EIF2S3: variants seen among roughly 807,000 people sequenced by gnomAD.
The protein encoded by EIF2S3 is eukaryotic translation initiation factor 2 subunit 3.
In EIF2S3, 2 loss-of-function variants were observed where a neutral mutation model predicts 31.7. That is an observed-to-expected ratio of 0.06 (90% confidence interval 0.03 to 0.20). The LOEUF is 0.20. Among genes scored for constraint, EIF2S3 ranks in the 10% least tolerant of loss-of-function variants. The probability of loss-of-function intolerance (pLI) is 1.00; values close to 1 mark genes in which losing one functional copy is unlikely to be tolerated. For synonymous variants in EIF2S3, 120 were observed against 126.7 expected, an observed-to-expected ratio of 0.95 and a Z score of 0.36; for missense variants, 96 against 359.3, an observed-to-expected ratio of 0.27 and a Z score of 5.92.
chrX:24,070,271 G>A (rs920225519), intron 9 of EIF2S3, among the ~76,000 whole-genome samples: 2 of 103,080 alleles, frequency 1.9e-5, no homozygotes, highest in African/African-American at 3.5e-5. Flanking sequence ...ACAGTGAGCC[G>A]AGATCACACC....
Position 24,070,125 on chromosome X carries a change from C to T in EIF2S3, c.1013-1433C>T, listed in dbSNP as rs188099383. On this transcript the variant is annotated intron_variant, in intron 9 of 11. Transcript: ENST00000253039. ...GCTCATGTCTGTATTCCCAGCACTTCGGGAGGCCGAGGTGGACGGATCACC... is the reference window on the plus strand; with the variant it reads ...GCTCATGTCTGTATTCCCAGCACTTTGGGAGGCCGAGGTGGACGGATCACC... Among the ~76,000 whole-genome samples, 11 of 107,079 alleles carry T rather than the reference C, an allele frequency of 1.0e-4. No homozygotes were observed. In the East Asian group the frequency reaches 1.8e-3, roughly 17 times the overall value. The allele number at this position is 107,079 out of a possible 115,157, so 93.0% of individuals were successfully genotyped here.
rs750946562 is a variant in EIF2S3 at position 24,078,019 on chromosome X, T to C, written c.*1234T>C. ...AACTTATTCCCCATGTCCCTATACT[T>C]CGTGTGCTTTTCCTTTTTTTTTTTG... is the stretch of plus-strand genomic sequence containing the variant. On this transcript the variant is annotated 3_prime_UTR_variant, in exon 12 of 12. Transcript: ENST00000253039. The C allele has an allele frequency of 3.6e-5, 4 of 110,236 alleles. No homozygotes were observed. In the East Asian group the frequency reaches 1.1e-3, roughly 31 times the overall value. 9.1% of individuals were successfully genotyped at this position (110,236 alleles called of 1,213,427 possible).
intron 5 of EIF2S3, among the ~76,000 whole-genome samples, chrX:24,061,979 C>T (rs1930499501): frequency 9.0e-6 from 1 of 111,305 alleles, no homozygotes; most frequent in Non-Finnish European, 1.9e-5. Context: ...CCAGTGAATG[C>T]AGGCAACAGA....
intron 11 of EIF2S3, among the ~76,000 whole-genome samples, chrX:24,075,992 C>T (rs749899458): frequency 9.0e-6 from 1 of 111,324 alleles, no homozygotes; most frequent in Admixed American, 9.7e-5. Context: ...ACATGAGCCA[C>T]CCCGCCCAGC....
intron 9 of EIF2S3, among the ~76,000 whole-genome samples, chrX:24,069,263 T>C (rs1225503981): frequency 1.9e-5 from 2 of 106,601 alleles, no homozygotes; most frequent in African/African-American, 6.9e-5. Flanking sequence ...ACGCCTGTAA[T>C]CCCGGCTACT....
In EIF2S3 at chrX:24,077,675, T is replaced by G. The variant is rs773100426; in HGVS notation, c.*890T>G. The G allele has an allele frequency of 2.7e-5, 3 of 111,637 alleles. No individual in the cohort carries two copies. The South Asian group carries it at 1.1e-3, about 41-fold the overall frequency. The allele number at this position is 111,637 out of a possible 1,213,427, so 9.2% of individuals were successfully genotyped here. A position where few individuals can be genotyped will look rare whatever the true frequency, so the allele number is the denominator to read the frequency against. On this transcript the variant is annotated 3_prime_UTR_variant, in exon 12 of 12. Transcript: ENST00000253039. ...GATTACTTGTTCCCATGGACAAATATTTTTCTCCCCTTGCTCTTCCTGGCC... is the reference window on the plus strand; with the variant it reads ...GATTACTTGTTCCCATGGACAAATAGTTTTCTCCCCTTGCTCTTCCTGGCC...
At chrX:24,060,340 G>C in intron 5 of EIF2S3, 158 bp downstream of exon 5, 1 of 438,174 alleles carries the variant, frequency 2.3e-6, no homozygotes, top group Non-Finnish European at 4.0e-6. Flanking sequence ...CTACCTATCA[G>C]CTATCACAAA....
intron 5 of EIF2S3, among the ~76,000 whole-genome samples, chrX:24,061,421 T>C (rs1306300528): frequency 9.2e-6 from 1 of 108,227 alleles, no homozygotes; most frequent in Admixed American, 1.0e-4. Context: ...TAGCCGGGTG[T>C]GGTGGGGCAC....
intron 11 of EIF2S3, among the ~76,000 whole-genome samples, chrX:24,075,965 A>G (rs1243798529): frequency 1.8e-5 from 2 of 110,393 alleles, no homozygotes; most frequent in African/African-American, 3.3e-5. Flanking sequence ...CAGCCTCTCA[A>G]AGTGTTGGGA....
chrX:24,068,828 G>A (rs777205270), intron 9 of EIF2S3, among the ~76,000 whole-genome samples: 98 of 111,376 alleles, frequency 8.8e-4, no homozygotes, highest in Non-Finnish European at 1.7e-3. Context: ...TTTCCAATGA[G>A]GTAGAAATAA....
At position 24,078,123 on chromosome X, in the gene EIF2S3, T is replaced by G. The variant is rs989141936; in HGVS notation, c.*1338T>G. Among the ~76,000 whole-genome samples the G allele has an allele frequency of 1.4e-4, 15 of 110,310 alleles. No homozygotes were observed. The highest frequency in any genetic ancestry group is 2.5e-4 in the Non-Finnish European group (13 of 52,822). ...TCGCTGCAACCTCTGCCTCCCTGATTCAAGTGATTCTCGTGCTTCAGCCTC... is the reference window on the plus strand; with the variant it reads ...TCGCTGCAACCTCTGCCTCCCTGATGCAAGTGATTCTCGTGCTTCAGCCTC... On this transcript the variant is annotated 3_prime_UTR_variant, in exon 12 of 12. Coordinates refer to ENST00000253039, the MANE Select transcript of EIF2S3 (RefSeq NM_001415.4).
Position 24,062,552 on chromosome X carries a change from G to A in EIF2S3, c.615G>A (p.Glu205=). 1 of 1,208,928 alleles carries A rather than the reference G, an allele frequency of 8.3e-7. No homozygotes were observed. The highest frequency in any genetic ancestry group is 1.8e-5 in the South Asian group (1 of 56,183). The stretch of plus-strand genomic sequence containing the variant: ...AAAGTCAGGCTAAAGAACAATACGA[G>A]CAGATCCTTGCATTTGTCCAAGGTA... ...VKESQAKEQY[E]QILAFVQGTV... Residue 205 remains glutamate (E), a synonymous_variant, in exon 6 of 12, where the codon GAG becomes GAA. Transcript: ENST00000253039.
At chrX:24,056,012 T>C (rs776128316) in intron 2 of EIF2S3, among the ~76,000 whole-genome samples, 2 of 112,290 alleles carry the variant, frequency 1.8e-5, no homozygotes, top group East Asian at 5.6e-4. Context: ...GCAGAATTTA[T>C]GAAAGTTTTA....
intron 2 of EIF2S3, 30 bp downstream of exon 2, chrX:24,055,708 G>T (rs1930393219): frequency 8.5e-7 from 1 of 1,173,268 alleles, no homozygotes. Flanking sequence ...CCTAACCTTG[G>T]TCTCCAACAA....
intron 6 of EIF2S3, among the ~76,000 whole-genome samples, chrX:24,063,918 C>A (rs183217917): frequency 9.0e-6 from 1 of 111,681 alleles, no homozygotes; most frequent in African/African-American, 3.2e-5. Flanking sequence ...TTAGTATTTT[C>A]TTTATTTAAA....
chrX:24,069,184 C>G (rs1182768205), intron 9 of EIF2S3, among the ~76,000 whole-genome samples: 1 of 110,496 alleles, frequency 9.1e-6, no homozygotes. Context: ...GAGTTTGAGA[C>G]CAGCCTGGGC....
chrX:24,060,367 A>C, intron 5 of EIF2S3, 185 bp downstream of exon 5: 2 of 403,084 alleles, frequency 5.0e-6, no homozygotes, highest in East Asian at 7.7e-5. Flanking sequence ...AAAAAGATAG[A>C]CTTGGGGCTG....
chrX:24,059,263 C>T (rs1930454576), intron 4 of EIF2S3, among the ~76,000 whole-genome samples: 1 of 111,459 alleles, frequency 9.0e-6, no homozygotes, highest in Non-Finnish European at 1.9e-5. Context: ...TAAGGGCTGA[C>T]CTCTGTTTTA....
At chrX:24,065,234 C>A (rs775331896) in intron 7 of EIF2S3, among the ~76,000 whole-genome samples, 2 of 111,882 alleles carry the variant, frequency 1.8e-5, no homozygotes, top group East Asian at 5.6e-4. Context: ...TCTTCAAGTT[C>A]TAGTTCCTTA....
Sources: gnomAD v4.1 joint callset for allele counts (sites outside exome capture counted in the v4.1 genomes callset) on GRCh38, gnomAD v4.1.1 for gene constraint, MANE v1.5 for transcripts, NCBI Gene and HGNC (gene_info 2026-07-23, HGNC 2026-07-21) for gene names.